Variants in RGS21 observed in about 807,000 individuals in gnomAD.
The protein encoded by RGS21 is regulator of G-protein signalling 21.
RGS21 carries 19 observed loss-of-function variants against 18.7 expected under a neutral mutation model. That is an observed-to-expected ratio of 1.01 (90% CI 0.71 to 1.49). RGS21 has a LOEUF of 1.49. RGS21 is among the 40% of genes most tolerant of loss of function. RGS21 has a pLI of 0.00. For synonymous variants in RGS21, 56 were observed against 57.8 expected, an observed-to-expected ratio of 0.97 and a Z score of 0.14; for missense variants, 194 against 176.8, an observed-to-expected ratio of 1.10 and a Z score of -0.55.
chr1:192,332,248 T>TA (rs1366214099), intron 1 of RGS21, among the ~76,000 whole-genome samples: 2 of 152,034 alleles, frequency 1.3e-5, no homozygotes, highest in African/African-American at 4.8e-5. Flanking sequence ...AAATATCTCA[T>TA]AAAACCAGTA....
At chr1:192,318,151 A>G (rs1312024588) in intron 1 of RGS21, among the ~76,000 whole-genome samples, 1 of 152,122 alleles carries the variant, frequency 6.6e-6, no homozygotes, top group African/African-American at 2.4e-5. Flanking sequence ...TGTTATTTTT[A>G]GACAATGTCA....
At chr1:192,337,030 T>C (rs1658777790) in intron 1 of RGS21, among the ~76,000 whole-genome samples, 1 of 152,128 alleles carries the variant, frequency 6.6e-6, no homozygotes, top group South Asian at 2.1e-4. Context: ...ATGGCTTTGA[T>C]AATTTATTCT....
chr1:192,347,972 C>CTGTGTG (rs562560592), intron 3 of RGS21, among the ~76,000 whole-genome samples: 2 of 148,316 alleles, frequency 1.3e-5, no homozygotes, highest in African/African-American at 2.5e-5. Context: ...CCTAGGCTCG[C>CTGTGTG]TGTGTGTGTG....
intron 1 of RGS21, among the ~76,000 whole-genome samples, chr1:192,335,238 TAAACTA>T (rs1658751020): frequency 6.6e-6 from 1 of 152,180 alleles, no homozygotes. Context: ...CTCCACCACT[TAAACTA>T]AGTAACTTTT....
chr1:192,347,990 G>T (rs1236014155), intron 3 of RGS21, among the ~76,000 whole-genome samples: 3 of 146,506 alleles, frequency 2.0e-5, no homozygotes, highest in Non-Finnish European at 4.5e-5. Context: ...GTGTGTGTGT[G>T]TATACACACA....
intron 4 of RGS21, among the ~76,000 whole-genome samples, chr1:192,364,562 A>C (rs1044178669): frequency 6.6e-6 from 1 of 152,130 alleles, no homozygotes; most frequent in African/African-American, 2.4e-5. Context: ...TGCAAACAGC[A>C]AGTAAGTAGC....
chr1:192,345,207 C>T (rs1024234947), intron 2 of RGS21, among the ~76,000 whole-genome samples: 1 of 152,038 alleles, frequency 6.6e-6, no homozygotes, highest in Non-Finnish European at 1.5e-5. Context: ...ACCTGTCTGT[C>T]CTTAAAGGAC....
At chr1:192,338,610 C>A (rs1658806249) in intron 1 of RGS21, among the ~76,000 whole-genome samples, 1 of 152,070 alleles carries the variant, frequency 6.6e-6, no homozygotes, top group Non-Finnish European at 1.5e-5. Flanking sequence ...CTTAACCTCT[C>A]TTTGTCACCT....
chr1:192,345,927 T>C (rs1658939074), intron 2 of RGS21, among the ~76,000 whole-genome samples: 1 of 152,068 alleles, frequency 6.6e-6, no homozygotes, highest in Non-Finnish European at 1.5e-5. Flanking sequence ...AATGTAAAAT[T>C]AAATCTAGCA....
intron 1 of RGS21, among the ~76,000 whole-genome samples, chr1:192,331,688 G>T (rs1409987008): frequency 2.0e-5 from 3 of 151,498 alleles, no homozygotes; most frequent in Non-Finnish European, 4.4e-5. Flanking sequence ...AAAAATTAAG[G>T]TACAGGTATT....
chr1:192,322,431 T>G (rs1489498434), intron 1 of RGS21, among the ~76,000 whole-genome samples: 1 of 152,058 alleles, frequency 6.6e-6, no homozygotes, highest in African/African-American at 2.4e-5. Flanking sequence ...CACATAAGCT[T>G]TCATTTACTT....
intron 1 of RGS21, among the ~76,000 whole-genome samples, chr1:192,336,386 C>T (rs1449338563): frequency 2.6e-5 from 4 of 152,142 alleles, no homozygotes; most frequent in East Asian, 1.9e-4. Flanking sequence ...ACCAAGGAGG[C>T]GCAGGTTGCA....
intron 1 of RGS21, among the ~76,000 whole-genome samples, chr1:192,341,523 T>C (rs1658861672): frequency 6.6e-6 from 1 of 152,104 alleles, no homozygotes; most frequent in African/African-American, 2.4e-5. Flanking sequence ...CACCTGCTCA[T>C]TGTATTATGA....
intron 2 of RGS21, among the ~76,000 whole-genome samples, chr1:192,343,688 G>A (rs934478970): frequency 7.9e-5 from 12 of 152,000 alleles, no homozygotes; most frequent in South Asian, 2.1e-4. Context: ...AGCCAAAACC[G>A]CATGAAATAC....
At chr1:192,333,594 G>A (rs1290394865) in intron 1 of RGS21, among the ~76,000 whole-genome samples, 2 of 133,898 alleles carry the variant, frequency 1.5e-5, no homozygotes, top group Non-Finnish European at 3.1e-5. Flanking sequence ...GTCATGTAAG[G>A]TATGATCGTA....
At chr1:192,355,541 A>G (rs1234274865) in intron 4 of RGS21, among the ~76,000 whole-genome samples, 1 of 151,590 alleles carries the variant, frequency 6.6e-6, no homozygotes, top group African/African-American at 2.4e-5. Flanking sequence ...ATAGCAGAAA[A>G]AAAAAATCAT....
intron 1 of RGS21, 22 bp downstream of exon 1, chr1:192,317,127 G>A (rs1391380966): frequency 6.6e-6 from 1 of 151,748 alleles, no homozygotes; most frequent in Non-Finnish European, 1.5e-5. Context: ...GAGATTTAAG[G>A]TTTATTATAT....
chr1:192,350,502 G>A (rs954514849), intron 3 of RGS21, among the ~76,000 whole-genome samples: 2 of 152,094 alleles, frequency 1.3e-5, no homozygotes, highest in African/African-American at 2.4e-5. Context: ...GGAACTTGAA[G>A]GATTAACTCT....
At chr1:192,350,517 G>A (rs999998357) in intron 3 of RGS21, among the ~76,000 whole-genome samples, 6 of 151,998 alleles carry the variant, frequency 3.9e-5, no homozygotes, top group Admixed American at 6.6e-5. Context: ...AACTCTCTCC[G>A]CCTGCAGGAA....
Sources: allele counts gnomAD v4.1 joint callset (sites outside exome capture counted in the v4.1 genomes callset), GRCh38; gene constraint gnomAD v4.1.1; transcripts MANE v1.5; gene names NCBI Gene and HGNC (gene_info 2026-07-23, HGNC 2026-07-21).